The following PDE1C variants were observed in gnomAD, a reference collection of about 807,000 sequenced individuals.
The protein encoded by PDE1C is dual specificity calcium/calmodulin-dependent 3',5'-cyclic nucleotide phosphodiesterase 1C.
A neutral mutation model predicts 93.1 loss-of-function variants in PDE1C; 62 were observed. The observed-to-expected ratio is 0.67, with a 90% confidence interval of 0.54 to 0.82. The LOEUF (loss-of-function observed/expected upper bound fraction) is 0.82, where lower values mean the gene tolerates loss of function less well. PDE1C is among the 40% of genes least tolerant of loss of function. The pLI is 0.00. For synonymous variants in PDE1C, 325 were observed against 310.1 expected (o/e 1.05, Z -0.50); for missense variants, 742 against 884.6 (o/e 0.84, Z 2.04).
intron 7 of PDE1C, among the ~76,000 whole-genome samples, chr7:31,851,501 A>T (rs1397025412): frequency 6.6e-6 from 1 of 152,144 alleles, no homozygotes; most frequent in African/African-American, 2.4e-5. Flanking sequence ...AAGCTTCCTT[A>T]ACTGACTTCC....
chr7:31,816,212 A>T, intron 14 of PDE1C, 58 bp from the exon 15 acceptor site: 1 of 1,487,548 alleles, frequency 6.7e-7, no homozygotes, highest in Non-Finnish European at 9.3e-7. Context: ...TCATGCCGTT[A>T]GGAGAATGGC....
At chr7:32,347,481 G>GT (rs76167341) in intron 1 of PDE1C, among the ~76,000 whole-genome samples, 25,381 of 152,084 alleles carry the variant, frequency 0.17, 2,715 homozygotes, top group South Asian at 0.44. Context: ...CTCCCCTTCA[G>GT]TGTGAGTAGA....
intron 16 of PDE1C, among the ~76,000 whole-genome samples, chr7:31,804,182 T>G (rs2109837): frequency 6.6e-6 from 1 of 151,658 alleles, no homozygotes; most frequent in Admixed American, 6.6e-5. Flanking sequence ...CTTTGAGACA[T>G]TTTGATCCCT....
chr7:32,120,171 A>G (rs1484027698), intron 3 of PDE1C, among the ~76,000 whole-genome samples: 1 of 152,100 alleles, frequency 6.6e-6, no homozygotes, highest in Non-Finnish European at 1.5e-5. Flanking sequence ...ATCCTTCCTC[A>G]CGGGGCAGGG....
intron 3 of PDE1C, among the ~76,000 whole-genome samples, chr7:32,106,877 A>G (rs1798341018): frequency 6.6e-6 from 1 of 152,116 alleles, no homozygotes. Flanking sequence ...CAATTATCAG[A>G]CAGGGAATTA....
At position 32,182,052 on chromosome 7, in the gene PDE1C, G is replaced by A. The variant is rs539504556; in HGVS notation, c.137-12096C>T. ...CACAAATAAACTAGAAAATCTAGAA[G>A]AAATGGATAAATTCCTGGACATATA... On this transcript the variant is annotated intron_variant, in intron 2 of 18. Coordinates refer to the PDE1C transcript ENST00000396193. Among the ~76,000 whole-genome samples, 422 of 152,284 alleles carry A rather than the reference G, an allele frequency of 2.8e-3. 2 individuals are homozygous for A. The highest frequency in any genetic ancestry group is 9.7e-3 in the African/African-American group (403 of 41,556).
At chr7:32,332,364 A>T (rs1196148548) in intron 1 of PDE1C, among the ~76,000 whole-genome samples, 1 of 152,202 alleles carries the variant, frequency 6.6e-6, no homozygotes, top group Admixed American at 6.5e-5. Flanking sequence ...GGCTACAATA[A>T]AAAAGACTAA....
chr7:31,681,616 A>T, the PDE1C span, among the ~76,000 whole-genome samples: 1 of 152,036 alleles, frequency 6.6e-6, no homozygotes, highest in Non-Finnish European at 1.5e-5. Flanking sequence ...TGTCTCTCTC[A>T]TTTCCATCAG....
intron 2 of PDE1C, among the ~76,000 whole-genome samples, chr7:32,206,218 G>A (rs116285451): frequency 1.3e-5 from 2 of 152,066 alleles, no homozygotes; most frequent in Non-Finnish European, 2.9e-5. Flanking sequence ...ATTCTGGGGG[G>A]ATTTGGGGAT....
At chr7:31,621,249 G>T in the PDE1C span, among the ~76,000 whole-genome samples, 1 of 148,670 alleles carries the variant, frequency 6.7e-6, no homozygotes, top group Non-Finnish European at 1.5e-5. Flanking sequence ...TTCAGGAAAT[G>T]CAGAGAATGC....
intron 1 of PDE1C, among the ~76,000 whole-genome samples, chr7:32,230,102 G>A (rs975552506): frequency 7.9e-5 from 12 of 152,134 alleles, no homozygotes; most frequent in African/African-American, 1.2e-4. Context: ...GAGGGAAAAC[G>A]TCATCAAGTG....
intron 1 of PDE1C, among the ~76,000 whole-genome samples, chr7:32,269,641 A>C (rs10256614): frequency 6.6e-6 from 1 of 151,862 alleles, no homozygotes; most frequent in East Asian, 1.9e-4. Context: ...CACCATGCCC[A>C]TCTAATTTTT....
chr7:31,911,871 G>T (rs1482112949), intron 2 of PDE1C, among the ~76,000 whole-genome samples: 1 of 152,168 alleles, frequency 6.6e-6, no homozygotes, highest in Non-Finnish European at 1.5e-5. Flanking sequence ...TTCTTTGAAA[G>T]TGTGCTGCCT....
intron 2 of PDE1C, among the ~76,000 whole-genome samples, chr7:31,924,228 T>C (rs1255637302): frequency 6.6e-6 from 1 of 152,206 alleles, no homozygotes; most frequent in Non-Finnish European, 1.5e-5. Flanking sequence ...GGAATTTTAC[T>C]GTATATATGA....
At chr7:32,264,132 T>C (rs746370112) in intron 1 of PDE1C, among the ~76,000 whole-genome samples, 2 of 152,216 alleles carry the variant, frequency 1.3e-5, no homozygotes, top group Non-Finnish European at 2.9e-5. Context: ...GTAGAAGCTC[T>C]ACAGGTCACT....
intron 2 of PDE1C, among the ~76,000 whole-genome samples, chr7:32,185,247 GAA>G (rs60570476): frequency 0.35 from 34,877 of 100,858 alleles, 3,957 homozygotes; most frequent in East Asian, 0.68. Context: ...CTCTGTCTCA[GAA>G]AAAAAAAAAA....
At chr7:31,665,850 G>A in the PDE1C span, among the ~76,000 whole-genome samples, 1 of 152,118 alleles carries the variant, frequency 6.6e-6, no homozygotes, top group Non-Finnish European at 1.5e-5. Flanking sequence ...TGAATCCCAG[G>A]GGGTTGAACA....
chr7:32,266,138 T>C (rs1223874242), intron 1 of PDE1C, among the ~76,000 whole-genome samples: 1 of 151,470 alleles, frequency 6.6e-6, no homozygotes, highest in Non-Finnish European at 1.5e-5. Flanking sequence ...AAAAATTAGC[T>C]GGGTGTGGTG....
At chr7:31,623,028 CA>C in the PDE1C span, among the ~76,000 whole-genome samples, 1 of 152,292 alleles carries the variant, frequency 6.6e-6, no homozygotes, top group Non-Finnish European at 1.5e-5. Context: ...TTCCTCAACA[CA>C]TACACCCTCC....
Sources: allele counts gnomAD v4.1 joint callset (sites outside exome capture counted in the v4.1 genomes callset), GRCh38; gene constraint gnomAD v4.1.1; transcripts MANE v1.5; gene names NCBI Gene and HGNC (gene_info 2026-07-23, HGNC 2026-07-21).